ASIC2: variants seen among roughly 807,000 people sequenced by gnomAD.
The protein encoded by ASIC2 is acid-sensing ion channel 2.
ASIC2 carries 25 observed loss-of-function variants against 57.3 expected under a neutral mutation model. That is an observed-to-expected ratio of 0.44 (90% CI 0.32 to 0.61). The LOEUF is 0.61. Among genes scored for constraint, ASIC2 ranks in the 20% least tolerant of loss-of-function variants. The pLI is 0.06. For synonymous variants in ASIC2, 319 were observed against 307.5 expected (o/e 1.04, Z -0.39); for missense variants, 641 against 738.1 (o/e 0.87, Z 1.52).
rs144413660 is a variant in ASIC2, at chr17:33,500,921, C to T, written c.556-388854G>A. Among the ~76,000 whole-genome samples, 1,089 of 152,342 alleles carry T rather than the reference C, an allele frequency of 7.1e-3. 12 individuals are homozygous for T. Among genetic ancestry groups the T allele is most frequent in the African/African-American group, 0.025 (1,043 of 41,582 alleles). Reference sequence around the variant, plus strand: ...GTATGTGAATGTGTTTATAGCGTCCCGCTACAACTCTCTCTGATATTACCA... The same window carrying T: ...GTATGTGAATGTGTTTATAGCGTCCTGCTACAACTCTCTCTGATATTACCA... On this transcript the variant is annotated intron_variant, in intron 1 of 9. Coordinates refer to the ASIC2 transcript ENST00000359872.
intron 1 of ASIC2, among the ~76,000 whole-genome samples, chr17:33,411,360 T>G (rs780860946): frequency 6.6e-6 from 1 of 152,198 alleles, no homozygotes; most frequent in Non-Finnish European, 1.5e-5. Context: ...TCTCCATTTG[T>G]GAACCCCCAA....
intron 1 of ASIC2, among the ~76,000 whole-genome samples, chr17:33,127,723 C>A (rs2092329543): frequency 6.6e-6 from 1 of 152,192 alleles, no homozygotes; most frequent in South Asian, 2.1e-4. Flanking sequence ...ACCGAGTGAG[C>A]TGCTCATCTC....
At chr17:33,819,957 T>A (rs941263986) in intron 1 of ASIC2, among the ~76,000 whole-genome samples, 1 of 152,212 alleles carries the variant, frequency 6.6e-6, no homozygotes. Context: ...GGCTTCGGTC[T>A]CCTGCCTCTG....
chr17:33,920,950 G>C (rs2141964915), intron 1 of ASIC2, among the ~76,000 whole-genome samples: 1 of 152,280 alleles, frequency 6.6e-6, no homozygotes, highest in Non-Finnish European at 1.5e-5. Context: ...GTCTTCAACA[G>C]AGGACTGTGT....
intron 1 of ASIC2, chr17:33,834,138 A>G (rs1913198079): frequency 1.3e-5 from 2 of 152,258 alleles, no homozygotes; most frequent in African/African-American, 4.8e-5. Context: ...TGCCACATCT[A>G]TATAAGTCAT....
At chr17:33,459,006 T>C (rs1423710005) in intron 1 of ASIC2, among the ~76,000 whole-genome samples, 1 of 152,068 alleles carries the variant, frequency 6.6e-6, no homozygotes, top group Non-Finnish European at 1.5e-5. Context: ...TGTCAATAGA[T>C]ATAGACAACG....
chr17:33,662,732 C>CCCTA (rs1907327097), intron 1 of ASIC2, among the ~76,000 whole-genome samples: 1 of 139,446 alleles, frequency 7.2e-6, no homozygotes, highest in Non-Finnish European at 1.6e-5. Context: ...CTCCCTCCCT[C>CCCTA]CCTCCTTCCC....
chr17:33,061,399 T>G (rs2141939704), intron 3 of ASIC2, among the ~76,000 whole-genome samples: 1 of 152,380 alleles, frequency 6.6e-6, no homozygotes, highest in African/African-American at 2.4e-5. Flanking sequence ...CAAAGGCCTT[T>G]CCTGCATCTA....
At chr17:33,839,482 C>A (rs1326227812) in intron 1 of ASIC2, among the ~76,000 whole-genome samples, 2 of 152,170 alleles carry the variant, frequency 1.3e-5, no homozygotes, top group South Asian at 2.1e-4. Context: ...TGTCTCCCAG[C>A]CCCAAACTCA....
chr17:33,125,097 C>G (rs1322430590), intron 1 of ASIC2, among the ~76,000 whole-genome samples: 2 of 152,222 alleles, frequency 1.3e-5, no homozygotes, highest in African/African-American at 4.8e-5. Context: ...ACCTCCTGCT[C>G]TGTGGCCCAG....
chr17:33,396,791 A>T (rs527294815), intron 1 of ASIC2, among the ~76,000 whole-genome samples: 2 of 152,278 alleles, frequency 1.3e-5, no homozygotes, highest in South Asian at 2.1e-4. Context: ...TCAGTGATGG[A>T]GATAGGCATT....
Position 33,292,255 on chromosome 17 carries a change from TCCGGTGGCGCGGCATGCCCGC to T in ASIC2, c.-161_-141del, listed in dbSNP as rs2031482780. 4 of 990,876 alleles carry T rather than the reference TCCGGTGGCGCGGCATGCCCGC, an allele frequency of 4.0e-6. No homozygotes were observed. The highest frequency in any genetic ancestry group is 4.8e-6 in the Non-Finnish European group (4 of 835,790). 61.4% of individuals were successfully genotyped at this position (990,876 alleles called of 1,614,324 possible). ...AGGGAAGCGTGCGCCCGAAAGGAGC[TCCGGTGGCGCGGCATGCCCGC>T]CCGGCGCCGCCGCTGCCGCCTCCGC... On this transcript the variant is annotated 5_prime_UTR_variant, in exon 1 of 10. An upstream start codon of the reference 5' UTR is lost. Transcript: ENST00000225823.
At chr17:33,683,890 T>C (rs995063372) in intron 1 of ASIC2, among the ~76,000 whole-genome samples, 19 of 152,190 alleles carry the variant, frequency 1.2e-4, no homozygotes, top group Non-Finnish European at 8.8e-5. Flanking sequence ...ATCTTGACTC[T>C]ACCAATTACA....
chr17:33,930,877 T>C (rs1915916294), intron 1 of ASIC2, among the ~76,000 whole-genome samples: 1 of 152,166 alleles, frequency 6.6e-6, no homozygotes, highest in African/African-American at 2.4e-5. Context: ...CTTGTTTCTT[T>C]GGCTGCCTAG....
intron 1 of ASIC2, chr17:34,082,250 C>T (rs1181470297): frequency 6.6e-6 from 1 of 152,192 alleles, no homozygotes; most frequent in East Asian, 1.9e-4. Flanking sequence ...GAGATGAGAA[C>T]ACTAGAGTCA....
At chr17:33,068,717 T>C (rs942614438) in intron 3 of ASIC2, among the ~76,000 whole-genome samples, 4 of 152,240 alleles carry the variant, frequency 2.6e-5, no homozygotes, top group Non-Finnish European at 5.9e-5. Flanking sequence ...TCACTTTTAA[T>C]GATAACTTGT....
At chr17:34,063,740 A>G (rs1186490478) in intron 1 of ASIC2, among the ~76,000 whole-genome samples, 1 of 152,148 alleles carries the variant, frequency 6.6e-6, no homozygotes, top group African/African-American at 2.4e-5. Flanking sequence ...CAAGCAGAGA[A>G]CCAAATCAAG....
intron 1 of ASIC2, among the ~76,000 whole-genome samples, chr17:33,900,782 C>T (rs962495847): frequency 5.9e-5 from 9 of 152,140 alleles, no homozygotes; most frequent in Admixed American, 5.2e-4. Flanking sequence ...GGGGGCTGCC[C>T]ATTCAACTGT....
intron 1 of ASIC2, among the ~76,000 whole-genome samples, chr17:33,548,224 CT>C (rs1378454493): frequency 6.6e-6 from 1 of 152,192 alleles, no homozygotes; most frequent in Non-Finnish European, 1.5e-5. Flanking sequence ...AAAAGAGGTG[CT>C]TTCATTGGAT....
Sources: gnomAD v4.1 joint callset for allele counts (sites outside exome capture counted in the v4.1 genomes callset) on GRCh38, gnomAD v4.1.1 for gene constraint, MANE v1.5 for transcripts, NCBI Gene and HGNC (gene_info 2026-07-23, HGNC 2026-07-21) for gene names.